Variants in MAEA observed in about 807,000 individuals in gnomAD.
MAEA encodes E3 ubiquitin-protein transferase MAEA.
In MAEA, 22 loss-of-function variants were observed where a neutral mutation model predicts 46.2. That is an observed-to-expected ratio of 0.48 (90% CI 0.34 to 0.68). The LOEUF is 0.68. MAEA is among the 30% of genes least tolerant of loss of function. The pLI, the probability that MAEA is intolerant of heterozygous loss-of-function variation, is 0.01. For missense variants in MAEA, 393 were observed against 558.1 expected (o/e 0.70, Z 2.98); for synonymous variants, 246 against 222.6 (o/e 1.11, Z -0.94).
chr4:1,310,002 C>T lies in MAEA; in HGVS notation c.70-1977C>T, dbSNP rs73073722. 17,360 of 1,219,998 alleles carry T rather than the reference C, an allele frequency of 0.014. 1,754 individuals carry two copies. In the African/African-American group the frequency reaches 0.23, roughly 16 times the overall value. The allele number at this position is 1,219,998 out of a possible 1,614,324, so 75.6% of individuals were successfully genotyped here. On this transcript the variant is annotated intron_variant, in intron 1 of 8. Transcript: ENST00000303400. ...TGGCGGTCTGGAATGTGCTGGTGTG[C>T]GGATGCTGTGTGGGTTCCTCCGCGC...
At chr4:1,339,039 G>T in intron 8 of MAEA, 35 bp from the exon 9 acceptor site, 1 of 1,493,230 alleles carries the variant, frequency 6.7e-7, no homozygotes, top group Non-Finnish European at 9.3e-7. Context: ...CGTTGTAGTC[G>T]CTTGCCTTAA....
chr4:1,335,108 C>A, intron 6 of MAEA: 2 of 985,282 alleles, frequency 2.0e-6, no homozygotes, highest in Non-Finnish European at 2.4e-6. Flanking sequence ...CTCACACACG[C>A]TCTCTCTCTT....
chr4:1,329,227 G>A (rs995690298), intron 5 of MAEA: 4 of 985,696 alleles, frequency 4.1e-6, no homozygotes, highest in Non-Finnish European at 4.8e-6. Context: ...GGGTCTATTT[G>A]CCTGTGTTAC....
intron 1 of MAEA, among the ~76,000 whole-genome samples, chr4:1,305,403 C>T (rs1346605257): frequency 3.3e-5 from 5 of 152,296 alleles, no homozygotes; most frequent in South Asian, 2.1e-4. Flanking sequence ...GAGGACTCTT[C>T]GGTGTGGACA....
intron 4 of MAEA, among the ~76,000 whole-genome samples, chr4:1,325,856 C>T (rs1738748181): frequency 6.6e-6 from 1 of 152,234 alleles, no homozygotes; most frequent in South Asian, 2.1e-4. Flanking sequence ...TGGCACTCCC[C>T]ACCCAGAGCC....
rs531703365 is a variant in MAEA, at chr4:1,315,573, C to T, written c.429C>T (p.Val143=). The stretch of plus-strand genomic sequence containing the variant: ...GTTGCGGCTACTACAACACGGCTGT[C>T]AAGCTGGCGCGCCAGAGCGGCATCG... The part of the protein sequence containing the change: ...LLRCGYYNTA[V]KLARQSGIED... The change falls in exon 3 of 9, where the codon GTC becomes GTT. Residue 143 remains valine, a synonymous_variant. Transcript: ENST00000303400. The T allele has an allele frequency of 4.5e-5, 73 of 1,613,308 alleles. 1 individual carries two copies. In the South Asian group the frequency reaches 7.7e-4, roughly 17 times the overall value.
In MAEA at chr4:1,336,973, G is replaced by A; in HGVS notation, c.878G>A (p.Gly293Asp). The change falls in exon 7 of 9, where the codon GGC (glycine) becomes GAC (aspartate). Residue 293 changes from glycine (G) to aspartate (D), a missense_variant. Coordinates refer to ENST00000303400, the MANE Select transcript of MAEA (RefSeq NM_001017405.3). The part of the protein sequence containing the change: ...NSVFTLTLQA[G>D]LSAIKTPQCY... ...GTGTTCACCCTCACCCTGCAGGCTG[G>A]CCTCTCAGCCATCAAGACACCGTAT... The A allele has an allele frequency of 6.2e-7, 1 of 1,613,926 alleles. No homozygotes were observed. Among genetic ancestry groups the A allele is most frequent in the Non-Finnish European group, 8.5e-7 (1 of 1,180,002 alleles).
chr4:1,327,137 C>T (rs1383891777), intron 4 of MAEA, among the ~76,000 whole-genome samples: 3 of 152,270 alleles, frequency 2.0e-5, no homozygotes, highest in Non-Finnish European at 2.9e-5. Context: ...GACTTGCCCA[C>T]GTTCTCCCAG....
At position 1,339,106 on chromosome 4, in the gene MAEA, CGT is replaced by C. The variant is rs1713197359; in HGVS notation, c.1132_1133del (p.Cys378ProfsTer24). 4 of 1,613,956 alleles carry C rather than the reference CGT, an allele frequency of 2.5e-6. No individual in the cohort carries two copies. The highest frequency in any genetic ancestry group is 3.4e-6 in the Non-Finnish European group (4 of 1,179,978). The stretch of plus-strand genomic sequence containing the variant: ...TTTCTATCCGTCAAGATGATAAAGT[CGT>C]GTGCCCGAGAACCAAAGAAGTCTTC... The part of the protein sequence containing the change: ...LLSIRQDDKV[V>X]CPRTKEVFHF... On this transcript the variant is annotated frameshift_variant, in exon 9 of 9. Coordinates refer to ENST00000303400, the MANE Select transcript of MAEA (RefSeq NM_001017405.3). LOFTEE classifies it high-confidence loss of function.
intron 1 of MAEA, among the ~76,000 whole-genome samples, chr4:1,305,273 C>A (rs1233903446): frequency 6.6e-6 from 1 of 152,318 alleles, no homozygotes; most frequent in African/African-American, 2.4e-5. Context: ...CAAGTGGTCC[C>A]TGTGGAAAGC....
intron 1 of MAEA, among the ~76,000 whole-genome samples, chr4:1,296,549 G>C (rs921761596): frequency 3.5e-5 from 5 of 141,164 alleles, no homozygotes; most frequent in African/African-American, 1.5e-4. Context: ...TCCTGCACTT[G>C]GTTCTCTCTC....
chr4:1,338,870 C>T, intron 8 of MAEA: 2 of 655,936 alleles, frequency 3.0e-6, no homozygotes, highest in Non-Finnish European at 5.3e-6. Flanking sequence ...CCCCACCCTG[C>T]CTTAGCTTCG....
At chr4:1,323,854 G>A (rs1738453267) in intron 4 of MAEA, among the ~76,000 whole-genome samples, 2 of 152,392 alleles carry the variant, frequency 1.3e-5, no homozygotes, top group Middle Eastern at 3.4e-3. Context: ...GACAGGCAGG[G>A]CCAGGACTCG....
At chr4:1,293,633 C>G (rs1273459546) in intron 1 of MAEA, among the ~76,000 whole-genome samples, 2 of 152,236 alleles carry the variant, frequency 1.3e-5, no homozygotes, top group African/African-American at 4.8e-5. Context: ...GGGCCCACCT[C>G]TCCTCTCCTG....
At chr4:1,299,801 C>T (rs548005561) in intron 1 of MAEA, 1 of 152,418 alleles carries the variant, frequency 6.6e-6, no homozygotes, top group Admixed American at 6.5e-5. Context: ...TGTGAAGCTT[C>T]TCTGACTCCA....
intron 1 of MAEA, among the ~76,000 whole-genome samples, chr4:1,290,639 G>A (rs1244448739): frequency 6.6e-6 from 1 of 152,246 alleles, no homozygotes; most frequent in Non-Finnish European, 1.5e-5. Flanking sequence ...ACCTGGGAAG[G>A]AATTCCTTAA....
intron 1 of MAEA, among the ~76,000 whole-genome samples, chr4:1,293,887 T>C (rs952414895): frequency 2.6e-5 from 4 of 152,258 alleles, no homozygotes; most frequent in Admixed American, 1.3e-4. Flanking sequence ...GGGTGCCAGC[T>C]GTGTGCTGAA....
Position 1,295,295 on chromosome 4 carries a change from C to T in MAEA, c.69+5313C>T, listed in dbSNP as rs532500083. On this transcript the variant is annotated intron_variant, in intron 1 of 8. Coordinates refer to ENST00000303400, the MANE Select transcript of MAEA (RefSeq NM_001017405.3). ...CTGATGATTTTTAGGTCTGTTATTT[C>T]AGAATCGTTATAGCTAGGGGCCATT... Among the ~76,000 whole-genome samples the T allele has an allele frequency of 2.6e-5, 4 of 152,212 alleles. No individual in the cohort carries two copies. In the South Asian group the frequency reaches 6.2e-4, roughly 24 times the overall value.
chr4:1,292,886 C>CT (rs34802084), intron 1 of MAEA, among the ~76,000 whole-genome samples: 2,437 of 128,328 alleles, frequency 0.019, 91 homozygotes, highest in African/African-American at 0.06. Context: ...AACTCACCAT[C>CT]TTTTTTTTTT....
Sources: gnomAD v4.1 joint callset for allele counts (sites outside exome capture counted in the v4.1 genomes callset) on GRCh38, gnomAD v4.1.1 for gene constraint, MANE v1.5 for transcripts, NCBI Gene and HGNC (gene_info 2026-07-23, HGNC 2026-07-21) for gene names.